SVIL: variants seen among roughly 807,000 people sequenced by gnomAD.
The protein encoded by SVIL is archvillin.
A neutral mutation model predicts 240.4 loss-of-function variants in SVIL; 101 were observed. The observed-to-expected ratio is 0.42, with a 90% CI of 0.36 to 0.50. The LOEUF is 0.50. Ranked by LOEUF, SVIL falls within the 20% of genes least tolerant of loss-of-function variation. The probability of loss-of-function intolerance (pLI) is 0.01; values close to 1 mark genes in which losing one functional copy is unlikely to be tolerated. For missense variants in SVIL, 2,512 were observed against 2,818.7 expected (o/e 0.89, Z 2.46); for synonymous variants, 999 against 1,100.0 (o/e 0.91, Z 1.82).
intron 5 of SVIL, among the ~76,000 whole-genome samples, chr10:29,551,642 T>C (rs933235641): frequency 1.3e-5 from 2 of 152,206 alleles, no homozygotes; most frequent in African/African-American, 4.8e-5. Flanking sequence ...AGTTGGGTCC[T>C]CTGGGAAAGA....
rs184030025 is a variant in SVIL at position 29,464,762 on chromosome 10, C to T, written c.6133+833G>A. Among the ~76,000 whole-genome samples the T allele has an allele frequency of 4.3e-3, 634 of 146,820 alleles. 3 individuals carry two copies. The highest frequency in any genetic ancestry group is 4.4e-3 in the Non-Finnish European group (295 of 67,392). On this transcript the variant is annotated intron_variant, in intron 34 of 37. Transcript: ENST00000355867. Reference sequence around the variant, plus strand: ...AACTTTCAGTGCTGCCCTGAGATCCCGGTGCAAGATGAGGTCCCTGGCTGC... The same window carrying T: ...AACTTTCAGTGCTGCCCTGAGATCCTGGTGCAAGATGAGGTCCCTGGCTGC...
chr10:29,719,757 G>C (rs1429889943), intron 1 of SVIL, among the ~76,000 whole-genome samples: 2 of 152,084 alleles, frequency 1.3e-5, no homozygotes, highest in African/African-American at 2.4e-5. Context: ...CATAGCAATA[G>C]AAATATCCAA....
Position 29,735,421 on chromosome 10 carries a change from G to A in SVIL, c.-400+330C>T, listed in dbSNP as rs934829918. Reference sequence around the variant, plus strand: ...CCGCGCTAACTTCCCGAAACTCCGCGGAGAGAAACCCTGCCCCGGCCCGCT... The same window carrying A: ...CCGCGCTAACTTCCCGAAACTCCGCAGAGAGAAACCCTGCCCCGGCCCGCT... On this transcript the variant is annotated intron_variant, in intron 1 of 35. Transcript: ENST00000375400. The surrounding 1 kb of genome is among the most constrained non-coding windows in gnomAD (Gnocchi z 4.1). Among the ~76,000 whole-genome samples the A allele has an allele frequency of 5.3e-5, 8 of 151,958 alleles. No individual in the cohort carries two copies. The highest frequency in any genetic ancestry group is 1.5e-5 in the Non-Finnish European group (1 of 67,964).
chr10:29,711,532 G>GA (rs1963283379), intron 1 of SVIL, among the ~76,000 whole-genome samples: 1 of 151,578 alleles, frequency 6.6e-6, no homozygotes, highest in Non-Finnish European at 1.5e-5. Flanking sequence ...AGGCCAAGGT[G>GA]GGCAGATCAC....
rs200054832 is a variant in SVIL, at chr10:29,552,129, C to CA, written c.161-867dup. On this transcript the variant is annotated intron_variant, in intron 5 of 37. Coordinates refer to ENST00000355867, the MANE Select transcript of SVIL (RefSeq NM_021738.3). ...CAAGACCTTGTCTCAAAAAACAAAA[C>CA]AAAAAAAAAAACCTATCAATCATCA... is the stretch of plus-strand genomic sequence containing the variant. Among the ~76,000 whole-genome samples the CA allele has an allele frequency of 6.8e-3, 602 of 88,148 alleles. 5 individuals carry two copies. Among genetic ancestry groups the CA allele is most frequent in the Middle Eastern group, 0.01 (2 of 194 alleles). The allele number at this position is 88,148 out of a possible 152,430, so 57.8% of individuals were successfully genotyped here.
intron 27 of SVIL, among the ~76,000 whole-genome samples, chr10:29,482,205 T>C (rs537902450): frequency 6.6e-6 from 1 of 152,148 alleles, no homozygotes; most frequent in South Asian, 2.1e-4. Flanking sequence ...ATTTTTGTAT[T>C]TTTTTAAATA....
chr10:29,615,230 T>C (rs1350696248), intron 1 of SVIL, among the ~76,000 whole-genome samples: 2 of 152,258 alleles, frequency 1.3e-5, no homozygotes, highest in Non-Finnish European at 2.9e-5. Flanking sequence ...AGGATTGATC[T>C]TATCTCATTT....
intron 1 of SVIL, among the ~76,000 whole-genome samples, chr10:29,627,579 G>A (rs1357143640): frequency 1.3e-5 from 2 of 152,076 alleles, no homozygotes; most frequent in African/African-American, 4.8e-5. Flanking sequence ...TGGCTGTTAT[G>A]GCCCCTACAT....
At chr10:29,732,208 T>C (rs1964663165) in intron 1 of SVIL, among the ~76,000 whole-genome samples, 1 of 151,334 alleles carries the variant, frequency 6.6e-6, no homozygotes, top group Non-Finnish European at 1.5e-5. Flanking sequence ...TCTGTCCTCC[T>C]GTCCATGCAC....
chr10:29,525,121 A>T (rs1391302516), intron 13 of SVIL, among the ~76,000 whole-genome samples: 1 of 152,190 alleles, frequency 6.6e-6, no homozygotes, highest in Non-Finnish European at 1.5e-5. Context: ...GTGGTCTTTC[A>T]TTTTAAATAA....
intron 36 of SVIL, among the ~76,000 whole-genome samples, chr10:29,458,990 C>T (rs1161788963): frequency 7.5e-6 from 1 of 132,980 alleles, no homozygotes; most frequent in Non-Finnish European, 1.6e-5. Context: ...TTTCCTTTTC[C>T]ATTTTTTTTT....
intron 1 of SVIL, among the ~76,000 whole-genome samples, chr10:29,599,766 T>C (rs1218263331): frequency 6.6e-6 from 1 of 152,022 alleles, no homozygotes; most frequent in Non-Finnish European, 1.5e-5. Context: ...AATAACAAAA[T>C]CAATTTCCCA....
intron 6 of SVIL, among the ~76,000 whole-genome samples, chr10:29,539,208 G>C (rs1003383692): frequency 1.4e-5 from 2 of 146,486 alleles, no homozygotes; most frequent in Non-Finnish European, 3.0e-5. Flanking sequence ...AACAAACAAA[G>C]TATGTGAAGG....
At chr10:29,700,901 G>C (rs1304036923) in intron 1 of SVIL, among the ~76,000 whole-genome samples, 1 of 152,120 alleles carries the variant, frequency 6.6e-6, no homozygotes, top group Non-Finnish European at 1.5e-5. Flanking sequence ...CTGCACCTTA[G>C]CCCATCGCTT....
At chr10:29,599,661 C>T (rs1416592843) in intron 1 of SVIL, among the ~76,000 whole-genome samples, 3 of 152,158 alleles carry the variant, frequency 2.0e-5, no homozygotes, top group Non-Finnish European at 2.9e-5. Flanking sequence ...AGATGATCCG[C>T]CCACCTTGGC....
At chr10:29,553,560 GAC>G (rs898637999) in intron 5 of SVIL, among the ~76,000 whole-genome samples, 3 of 135,836 alleles carry the variant, frequency 2.2e-5, no homozygotes, top group African/African-American at 8.7e-5. Context: ...CAGCCTGGGC[GAC>G]AAGAGCAAAA....
At chr10:29,553,631 T>A (rs11007647) in intron 5 of SVIL, among the ~76,000 whole-genome samples, 143 of 151,882 alleles carry the variant, frequency 9.4e-4, no homozygotes, top group African/African-American at 3.4e-3. Context: ...GCAGCACAGC[T>A]CCTCAGAGCC....
intron 16 of SVIL, among the ~76,000 whole-genome samples, chr10:29,518,319 G>C (rs1950345462): frequency 6.6e-6 from 1 of 151,776 alleles, no homozygotes; most frequent in African/African-American, 2.4e-5. Flanking sequence ...ACCCAGGAGG[G>C]GGAGGCTTCA....
Position 29,533,304 on chromosome 10 carries a change from T to C in SVIL, c.1063A>G (p.Lys355Glu), listed in dbSNP as rs939065163. The C allele has an allele frequency of 1.2e-6, 2 of 1,613,972 alleles. No individual in the cohort carries two copies. The highest frequency in any genetic ancestry group is 1.7e-6 in the Non-Finnish European group (2 of 1,180,026). Residue 355 changes from lysine to glutamate, a missense_variant, in exon 8 of 38, where the codon AAG becomes GAG. Physicochemically the swap from Lys to Glu is moderately conservative, Grantham distance 56. Around this residue, in one of 3 missense-constraint regions of SVIL, gnomAD observed 1,443 missense variants for 1,486.6 expected, o/e 0.97. Coordinates refer to ENST00000355867, the MANE Select transcript of SVIL (RefSeq NM_021738.3). ...GGCTGTCGTGTAGAGCCTGCTGCCT[T>C]GCTGGGGACCCTATCAAAGGCTGAG... is the stretch of plus-strand genomic sequence containing the variant. ...EHSAFDRVPSKAAGSTRQPIR... is the reference protein window; with the variant it reads ...EHSAFDRVPSEAAGSTRQPIR...
Sources: gnomAD v4.1 joint callset for allele counts (sites outside exome capture counted in the v4.1 genomes callset) on GRCh38, gnomAD v4.1.1 for gene constraint, gnomAD v4.1.1 regional missense constraint, Gnocchi (gnomAD v3.1) non-coding constraint, MANE v1.5 for transcripts, NCBI Gene and HGNC (gene_info 2026-07-23, HGNC 2026-07-21) for gene names.